PDZRN3: variants seen among roughly 807,000 people sequenced by gnomAD.
PDZRN3 encodes E3 ubiquitin-protein ligase PDZRN3.
PDZRN3 carries 38 observed loss-of-function variants against 85.7 expected under a neutral mutation model. The ratio of observed to expected loss-of-function variants is 0.44; its 90% CI spans 0.34 to 0.58. The LOEUF (loss-of-function observed/expected upper bound fraction) is 0.58. Ranked by LOEUF, PDZRN3 falls within the 20% of genes least tolerant of loss-of-function variation. PDZRN3 has a pLI of 0.01. For synonymous variants in PDZRN3, 759 were observed against 638.0 expected, an observed-to-expected ratio of 1.19 and a Z score of -2.86; for missense variants, 1,629 against 1,506.4, an observed-to-expected ratio of 1.08 and a Z score of -1.35.
intron 3 of PDZRN3, among the ~76,000 whole-genome samples, chr3:73,530,370 C>T (rs142093047): frequency 2.0e-5 from 3 of 152,346 alleles, no homozygotes; most frequent in East Asian, 1.9e-4. Context: ...TGGCTCCCTA[C>T]AAAATCCTTC....
chr3:73,441,541 C>G (rs1039011835), intron 3 of PDZRN3, among the ~76,000 whole-genome samples: 12 of 151,758 alleles, frequency 7.9e-5, no homozygotes, highest in Admixed American at 6.6e-4. Flanking sequence ...GCTAAGAGTT[C>G]TTTGACACTT....
At position 73,604,308 on chromosome 3, in the gene PDZRN3, T is replaced by C. The variant is rs1305910191; in HGVS notation, c.811-1847A>G. 7.9e-5 allele frequency among the ~76,000 whole-genome samples: 12 copies of C among 152,326 alleles called. No individual in the cohort carries two copies. In the South Asian group the frequency reaches 2.1e-3, roughly 26 times the overall value. ...CTTCCTTTACTGAGCACAAACTAGGTACCAGGTACATAGTGAGTGCTCTAT... is the reference window on the plus strand; with the variant it reads ...CTTCCTTTACTGAGCACAAACTAGGCACCAGGTACATAGTGAGTGCTCTAT... On this transcript the variant is annotated intron_variant, in intron 2 of 9. Coordinates refer to ENST00000263666, the MANE Select transcript of PDZRN3 (RefSeq NM_015009.3).
At chr3:73,398,684 TTAATACTAGC>T (rs1189044554) in intron 5 of PDZRN3, among the ~76,000 whole-genome samples, 11 of 152,176 alleles carry the variant, frequency 7.2e-5, no homozygotes, top group African/African-American at 2.7e-4. Context: ...TAACACTTCT[TTAATACTAGC>T]TAATCTCCTT....
chr3:73,615,955 T>C (rs1484911057), intron 1 of PDZRN3, among the ~76,000 whole-genome samples: 1 of 152,194 alleles, frequency 6.6e-6, no homozygotes, highest in African/African-American at 2.4e-5. Context: ...AGGTGGGGTC[T>C]AATGGGAGGT....
At chr3:73,533,147 A>G (rs2106760174) in intron 3 of PDZRN3, among the ~76,000 whole-genome samples, 1 of 152,372 alleles carries the variant, frequency 6.6e-6, no homozygotes, top group East Asian at 1.9e-4. Flanking sequence ...TCAGAAATGA[A>G]GCATTTTACA....
chr3:73,589,400 C>A (rs1702322964), intron 3 of PDZRN3, among the ~76,000 whole-genome samples: 1 of 152,268 alleles, frequency 6.6e-6, no homozygotes, highest in South Asian at 2.1e-4. Flanking sequence ...GCAACGAACA[C>A]TTGTTATGGG....
intron 3 of PDZRN3, among the ~76,000 whole-genome samples, chr3:73,547,895 G>T (rs1418246806): frequency 6.6e-6 from 1 of 152,184 alleles, no homozygotes. Context: ...AGGGTTAAAA[G>T]TCTTATAAAA....
Position 73,384,079 on chromosome 3 carries a change from C to A in PDZRN3, c.2487G>T (p.Leu829=). The change falls in exon 10 of 10, where the codon CTG becomes CTT. Residue 829 remains leucine, a synonymous_variant. Coordinates refer to ENST00000263666, the MANE Select transcript of PDZRN3 (RefSeq NM_015009.3). ...TGCTTTCCAGGGGCTGGTTGGGGTC[C>A]AGCTCCTTCAGGGACGGGCTATAGG... is the stretch of plus-strand genomic sequence containing the variant. ...TPTYSPSLKE[L]DPNQPLESKE... is the part of the protein sequence containing the mutation. 6.2e-7 allele frequency: 1 copy of A among 1,612,586 alleles called. No individual in the cohort carries two copies. The highest frequency in any genetic ancestry group is 8.5e-7 in the Non-Finnish European group (1 of 1,179,488).
chr3:73,388,065 T>G lies in PDZRN3; in HGVS notation c.1421A>C (p.Asn474Thr), dbSNP rs754540952. 2.0e-5 allele frequency: 23 copies of G among 1,126,766 alleles called. 2 individuals are homozygous for G. In the South Asian group the frequency reaches 3.1e-4, roughly 15 times the overall value. The allele number at this position is 1,126,766 out of a possible 1,614,324, so 69.8% of individuals were successfully genotyped here. Residue 474 changes from asparagine (N) to threonine (T), a missense_variant, in exon 8 of 10, where the codon AAT becomes ACT. Asn to Thr is a moderately conservative substitution (Grantham distance 65). Transcript: ENST00000263666. ...TTCACGGTTCTGCACCTCTATCCCA[T>G]TAATCTTTTAAAAAAAAAGGGGGGG... ...IREGDRIIQINGIEVQNREEA... is the reference protein window; with the variant it reads ...IREGDRIIQITGIEVQNREEA...
intron 3 of PDZRN3, among the ~76,000 whole-genome samples, chr3:73,419,294 A>C (rs1053396875): frequency 1.5e-4 from 23 of 152,156 alleles, no homozygotes; most frequent in African/African-American, 5.3e-4. Flanking sequence ...GATGTTAACA[A>C]GTTTTTAAAG....
At position 73,570,274 on chromosome 3, in the gene PDZRN3, C is replaced by T. The variant is rs574415119; in HGVS notation, c.918+32080G>A. 1.3e-4 allele frequency among the ~76,000 whole-genome samples: 20 copies of T among 152,176 alleles called. No individual in the cohort carries two copies. The South Asian group carries it at 3.7e-3, about 28-fold the overall frequency. ...ACAAATAAATGAATGACAAAACAAA[C>T]GAATACTGACTAACTTATGAGGCAT... is the stretch of plus-strand genomic sequence containing the variant. On this transcript the variant is annotated intron_variant, in intron 3 of 9. Transcript: ENST00000263666.
At chr3:73,474,592 G>A (rs1023095030) in intron 3 of PDZRN3, 3 of 1,274,370 alleles carry the variant, frequency 2.4e-6, no homozygotes, top group East Asian at 5.6e-5. Flanking sequence ...GTTTCATTGC[G>A]ATCTAAGCTT....
At chr3:73,582,256 C>CT (rs1230592445) in intron 3 of PDZRN3, among the ~76,000 whole-genome samples, 1 of 152,066 alleles carries the variant, frequency 6.6e-6, no homozygotes, top group Non-Finnish European at 1.5e-5. Context: ...GTAGATTTGT[C>CT]TTTTTTTATT....
At chr3:73,457,965 T>C (rs765415396) in intron 3 of PDZRN3, among the ~76,000 whole-genome samples, 14 of 152,200 alleles carry the variant, frequency 9.2e-5, no homozygotes, top group Admixed American at 2.0e-4. Flanking sequence ...CATGTTGTTA[T>C]AGCAGCCTGA....
chr3:73,619,946 C>G (rs534887557), intron 1 of PDZRN3, among the ~76,000 whole-genome samples: 1 of 152,368 alleles, frequency 6.6e-6, no homozygotes. Flanking sequence ...TTTTGCCCCT[C>G]AAGGGACGTT....
intron 3 of PDZRN3, among the ~76,000 whole-genome samples, chr3:73,417,718 A>G (rs1223746904): frequency 6.6e-6 from 1 of 152,230 alleles, no homozygotes; most frequent in Non-Finnish European, 1.5e-5. Context: ...TATGTGCAAT[A>G]ATGAATCTGG....
At position 73,624,653 on chromosome 3, in the gene PDZRN3, C is replaced by A. The variant is rs766060087; in HGVS notation, c.173G>T (p.Gly58Val). ...QEGSCPARCRGRLSAKELNHV... is the reference protein window; with the variant it reads ...QEGSCPARCRVRLSAKELNHV... The stretch of plus-strand genomic sequence containing the variant: ...GTTGAGCTCTTTGGCCGACAGGCGA[C>A]CGCGGCAGCGCGCCGGGCAGCTGCC... Residue 58 changes from glycine to valine, a missense_variant, in exon 1 of 10, where the codon GGT becomes GTT. Coordinates refer to ENST00000263666, the MANE Select transcript of PDZRN3 (RefSeq NM_015009.3). 5.9e-6 allele frequency: 9 copies of A among 1,533,914 alleles called. No individual in the cohort carries two copies. The highest frequency in any genetic ancestry group is 7.9e-6 in the Non-Finnish European group (9 of 1,144,756).
chr3:73,397,080 C>A (rs1433667459), intron 5 of PDZRN3, among the ~76,000 whole-genome samples: 6 of 149,988 alleles, frequency 4.0e-5, no homozygotes, highest in African/African-American at 1.5e-4. Flanking sequence ...GTTGCCCAGG[C>A]TGGAGTGCGG....
At chr3:73,458,437 T>C (rs1409189278) in intron 3 of PDZRN3, among the ~76,000 whole-genome samples, 2 of 151,714 alleles carry the variant, frequency 1.3e-5, no homozygotes, top group Non-Finnish European at 2.9e-5. Context: ...ACAGATCCTA[T>C]GCCTCAATGA....
Sources: gnomAD v4.1 joint callset for allele counts (sites outside exome capture counted in the v4.1 genomes callset) on GRCh38, gnomAD v4.1.1 for gene constraint, MANE v1.5 for transcripts, NCBI Gene and HGNC (gene_info 2026-07-23, HGNC 2026-07-21) for gene names.